Variants in RBBP4 observed in about 807,000 individuals in gnomAD.
RBBP4 encodes the protein RB binding protein 4, chromatin remodeling factor.
A neutral mutation model predicts 57.2 loss-of-function variants in RBBP4; 3 were observed. That is an observed-to-expected ratio of 0.05 (90% CI 0.02 to 0.14). The LOEUF (loss-of-function observed/expected upper bound fraction) is 0.14, where lower values mean the gene tolerates loss of function less well. Among genes scored for constraint, RBBP4 ranks in the 10% least tolerant of loss-of-function variants. The probability of loss-of-function intolerance (pLI) is 1.00; values close to 1 mark genes in which losing one functional copy is unlikely to be tolerated. For synonymous variants in RBBP4, 151 were observed against 171.5 expected (o/e 0.88, Z 0.93); for missense variants, 107 against 520.6 (o/e 0.21, Z 7.73).
In RBBP4 at chr1:32,683,992, TCTC is replaced by T. The variant is rs1649629968; in HGVS notation, c.*4288_*4290del. ...GCAGTAACAATGCAAACACCACTCTTCTCTTCACAAAGATCACCTTGAGACTGT... is the reference window on the plus strand; with the variant it reads ...GCAGTAACAATGCAAACACCACTCTTTTCACAAAGATCACCTTGAGACTGT... On this transcript the variant is annotated 3_prime_UTR_variant, in exon 12 of 12. Coordinates refer to ENST00000373493, the MANE Select transcript of RBBP4 (RefSeq NM_005610.3). 6.3e-7 allele frequency: 1 copy of T among 1,597,162 alleles called. No homozygotes were observed. The highest frequency in any genetic ancestry group is 8.6e-7 in the Non-Finnish European group (1 of 1,165,790).
intron 3 of RBBP4, among the ~76,000 whole-genome samples, chr1:32,666,757 A>G (rs1206482680): frequency 1.3e-5 from 2 of 152,158 alleles, no homozygotes; most frequent in African/African-American, 4.8e-5. Context: ...TATAATAAAG[A>G]AAATAGTTAG....
intron 3 of RBBP4, among the ~76,000 whole-genome samples, chr1:32,658,315 G>C (rs931351287): frequency 6.6e-6 from 1 of 151,434 alleles, no homozygotes; most frequent in African/African-American, 2.4e-5. Context: ...TCATGGGACT[G>C]GTGGGGAGGG....
chr1:32,668,544 T>TC, intron 4 of RBBP4, 146 bp downstream of exon 4: 3 of 1,014,208 alleles, frequency 3.0e-6, no homozygotes, highest in Non-Finnish European at 4.3e-6. Context: ...TCATTTTGCC[T>TC]CCATGAAAAA....
chr1:32,660,267 A>C (rs2148519739), intron 3 of RBBP4, among the ~76,000 whole-genome samples: 1 of 152,184 alleles, frequency 6.6e-6, no homozygotes, highest in South Asian at 2.1e-4. Flanking sequence ...TTGCTTTTTT[A>C]ATGGAGCCTT....
intron 3 of RBBP4, among the ~76,000 whole-genome samples, chr1:32,662,552 T>G (rs1363587948): frequency 6.6e-6 from 1 of 151,786 alleles, no homozygotes; most frequent in Non-Finnish European, 1.5e-5. Flanking sequence ...AATTTTGTAT[T>G]TTTTGTAGAG....
intron 3 of RBBP4, chr1:32,662,209 T>C: frequency 2.9e-6 from 1 of 349,756 alleles, no homozygotes; most frequent in Non-Finnish European, 5.9e-6. Context: ...GGGTTTTGTT[T>C]TATTTTTTTA....
rs1269199699 is a variant in RBBP4 at position 32,669,149 on chromosome 1, CAG to C, written c.761+20_761+21del. The C allele has an allele frequency of 2.5e-6, 4 of 1,612,972 alleles. No individual in the cohort carries two copies. Among genetic ancestry groups the C allele is most frequent in the Non-Finnish European group, 3.4e-6 (4 of 1,179,518 alleles). ...ACTTATGATGTGAGTAGAATCCATT[CAG>C]AGTTTCTAAATATCTTGTCTAAGTT... is the stretch of plus-strand genomic sequence containing the variant. On this transcript the variant is annotated intron_variant, in intron 6 of 11. Transcript: ENST00000373493. This position sits in a 1 kb window ranked among gnomAD's most constrained non-coding sequence, Gnocchi z 4.9.
At chr1:32,661,749 G>C (rs1182579647) in intron 3 of RBBP4, among the ~76,000 whole-genome samples, 2 of 150,644 alleles carry the variant, frequency 1.3e-5, no homozygotes, top group Non-Finnish European at 2.9e-5. Context: ...ACTGGTGTGA[G>C]AGGCATCTAT....
chr1:32,674,830 C>T (rs1464210188), intron 11 of RBBP4, among the ~76,000 whole-genome samples: 2 of 151,786 alleles, frequency 1.3e-5, no homozygotes, highest in East Asian at 3.9e-4. Flanking sequence ...CAGGTTCAAG[C>T]AATTCTCCTG....
chr1:32,677,555 A>G (rs1253414385), intron 11 of RBBP4, among the ~76,000 whole-genome samples: 1 of 152,180 alleles, frequency 6.6e-6, no homozygotes, highest in Non-Finnish European at 1.5e-5. Context: ...CCATCAAATT[A>G]TCAGACCTGA....
chr1:32,672,777 C>T lies in RBBP4; in HGVS notation c.1102-14C>T. 3 of 1,607,422 alleles carry T rather than the reference C, an allele frequency of 1.9e-6. No individual in the cohort carries two copies. The highest frequency in any genetic ancestry group is 2.6e-6 in the Non-Finnish European group (3 of 1,174,580). On this transcript the variant is annotated splice_polypyrimidine_tract_variant and intron_variant, in intron 10 of 11. Transcript: ENST00000373493. Reference sequence around the variant, plus strand: ...TATCTGCATTTCACCTCTTTGTTTTCTTCCCTCTTTCAGTTTATTCATGGT... The same window carrying T: ...TATCTGCATTTCACCTCTTTGTTTTTTTCCCTCTTTCAGTTTATTCATGGT...
rs899472664 is a variant in RBBP4 at position 32,680,344 on chromosome 1, T to TG, written c.*639_*640insG. On this transcript the variant is annotated 3_prime_UTR_variant, in exon 12 of 12. Coordinates refer to ENST00000373493, the MANE Select transcript of RBBP4 (RefSeq NM_005610.3). Reference sequence around the variant, plus strand: ...TTCCTGTCTGTGAAATGGTGTTTTTTTTTTTGTTGTTGGTTTTTTTTTTTT... The same window carrying TG: ...TTCCTGTCTGTGAAATGGTGTTTTTTGTTTTTGTTGTTGGTTTTTTTTTTTT... 9 of 1,223,766 alleles carry TG rather than the reference T, an allele frequency of 7.4e-6. No individual in the cohort carries two copies. The highest frequency in any genetic ancestry group is 8.8e-5 in the Admixed American group (2 of 22,654). The allele number at this position is 1,223,766 out of a possible 1,614,324, so 75.8% of individuals were successfully genotyped here.
At chr1:32,661,663 C>T (rs1003472287) in intron 3 of RBBP4, among the ~76,000 whole-genome samples, 2 of 151,892 alleles carry the variant, frequency 1.3e-5, no homozygotes, top group African/African-American at 2.4e-5. Flanking sequence ...GCATTCCCAC[C>T]AGCAGTGTCT....
chr1:32,673,464 C>G, intron 11 of RBBP4: 1 of 417,394 alleles, frequency 2.4e-6, no homozygotes, highest in South Asian at 1.7e-5. Context: ...TTGAGATGGT[C>G]TCTCACTTTT....
At chr1:32,654,684 TTTGTTG>T (rs901944872) in intron 2 of RBBP4, among the ~76,000 whole-genome samples, 2 of 152,128 alleles carry the variant, frequency 1.3e-5, no homozygotes, top group South Asian at 2.1e-4. Flanking sequence ...AGAATTGTTT[TTTGTTG>T]TTGTTGTTGT....
chr1:32,684,010 C>T lies in RBBP4; in HGVS notation c.*4305C>T. On this transcript the variant is annotated 3_prime_UTR_variant, in exon 12 of 12. Transcript: ENST00000373493. The stretch of plus-strand genomic sequence containing the variant: ...CCACTCTTCTCTTCACAAAGATCAC[C>T]TTGAGACTGTGTCTCCATTCCACCT... 1 of 1,613,844 alleles carries T rather than the reference C, an allele frequency of 6.2e-7. No individual in the cohort carries two copies. The highest frequency in any genetic ancestry group is 1.1e-5 in the South Asian group (1 of 91,058).
Position 32,684,277 on chromosome 1 carries a change from C to G in RBBP4, c.*4572C>G. 6.2e-7 allele frequency: 1 copy of G among 1,614,168 alleles called. No homozygotes were observed. The highest frequency in any genetic ancestry group is 8.5e-7 in the Non-Finnish European group (1 of 1,180,034). On this transcript the variant is annotated 3_prime_UTR_variant, in exon 12 of 12. Coordinates refer to ENST00000373493, the MANE Select transcript of RBBP4 (RefSeq NM_005610.3). Reference sequence around the variant, plus strand: ...ACTGACTTATAAGTAGAGAGCTCTTCAGCAAGACTGAGCCTTAGCTGTTCC... The same window carrying G: ...ACTGACTTATAAGTAGAGAGCTCTTGAGCAAGACTGAGCCTTAGCTGTTCC...
rs750267515 is a variant in RBBP4 at position 32,683,970 on chromosome 1, G to GT, written c.*4266dup. ...ATTAATTAGTATTGTTAGGAAAGCA[G>GT]TAACAATGCAAACACCACTCTTCTC... On this transcript the variant is annotated 3_prime_UTR_variant, in exon 12 of 12. Coordinates refer to ENST00000373493, the MANE Select transcript of RBBP4 (RefSeq NM_005610.3). The GT allele has an allele frequency of 2.5e-5, 39 of 1,577,938 alleles. No individual in the cohort carries two copies. The highest frequency in any genetic ancestry group is 3.0e-5 in the Non-Finnish European group (34 of 1,147,864).
chr1:32,651,603 G>A (rs1647670379), intron 1 of RBBP4: 3 of 905,368 alleles, frequency 3.3e-6, no homozygotes, highest in Non-Finnish European at 4.7e-6. Context: ...CGAGCGTGGG[G>A]ACACCGCTTC....
Sources: gnomAD v4.1 joint callset for allele counts (sites outside exome capture counted in the v4.1 genomes callset) on GRCh38, gnomAD v4.1.1 for gene constraint, Gnocchi (gnomAD v3.1) non-coding constraint, MANE v1.5 for transcripts, NCBI Gene and HGNC (gene_info 2026-07-23, HGNC 2026-07-21) for gene names.